ATP9A: variants seen among roughly 807,000 people sequenced by gnomAD.
ATP9A encodes probable phospholipid-transporting ATPase IIA.
ATP9A carries 52 observed loss-of-function variants against 144.1 expected under a neutral mutation model. The observed-to-expected ratio is 0.36, with a 90% confidence interval of 0.29 to 0.45. The LOEUF is 0.45. ATP9A is among the 20% of genes least tolerant of loss of function. The pLI is 1.00. For missense variants in ATP9A, 947 were observed against 1,392.7 expected, an observed-to-expected ratio of 0.68 and a Z score of 5.09; for synonymous variants, 582 against 557.4, an observed-to-expected ratio of 1.04 and a Z score of -0.62.
At position 51,625,273 on chromosome 20, in the gene ATP9A, C is replaced by T; in HGVS notation, c.1935G>A (p.Leu645=). The T allele has an allele frequency of 6.2e-7, 1 of 1,614,246 alleles. No individual in the cohort carries two copies. Among genetic ancestry groups the T allele is most frequent in the Non-Finnish European group, 8.5e-7 (1 of 1,180,044 alleles). ...VIESLEMEME[L]LCLTGVEDQL... The stretch of plus-strand genomic sequence containing the variant: ...GGTCCTCCACGCCCGTCAGGCACAG[C>T]AGTTCCATCTCCATCTCCAGGCTCT... The change falls in exon 18 of 28, where the codon CTG becomes CTA. Residue 645 remains leucine (L), a synonymous_variant. Transcript: ENST00000338821.
At chr20:51,654,928 C>G (rs565152352) in intron 14 of ATP9A, among the ~76,000 whole-genome samples, 36 of 152,116 alleles carry the variant, frequency 2.4e-4, no homozygotes, top group Non-Finnish European at 5.1e-4. Context: ...CAAGCCTCCT[C>G]CCTAGGGGCC....
At chr20:51,702,054 C>T (rs1422393334) in intron 4 of ATP9A, among the ~76,000 whole-genome samples, 2 of 151,928 alleles carry the variant, frequency 1.3e-5, no homozygotes, top group East Asian at 3.9e-4. Context: ...AATCCCAGCA[C>T]TTTGGGAGGC....
At chr20:51,619,148 C>T in intron 19 of ATP9A, 105 bp from the exon 20 acceptor site, 1 of 920,952 alleles carries the variant, frequency 1.1e-6, no homozygotes, top group Non-Finnish European at 1.7e-6. Context: ...CCACCCCAGC[C>T]AAGGGTCCCT....
intron 1 of ATP9A, among the ~76,000 whole-genome samples, chr20:51,733,572 A>G (rs1014363038): frequency 6.6e-6 from 1 of 151,906 alleles, no homozygotes; most frequent in Non-Finnish European, 1.5e-5. Flanking sequence ...ACGGGGTTTC[A>G]CCATGTTGGT....
chr20:51,747,401 C>T (rs959721930), intron 1 of ATP9A, among the ~76,000 whole-genome samples: 11 of 152,166 alleles, frequency 7.2e-5, no homozygotes, highest in African/African-American at 2.6e-4. Context: ...GACAGGGCAA[C>T]ACCCCGGAAA....
intron 4 of ATP9A, 81 bp downstream of exon 4, chr20:51,712,885 G>A (rs921299769): frequency 3.0e-5 from 38 of 1,277,606 alleles, no homozygotes; most frequent in East Asian, 2.3e-4. Context: ...CCTGCGGCCC[G>A]GGCCTTGAAC....
chr20:51,604,716 G>A (rs2077156358), intron 27 of ATP9A, 101 bp downstream of exon 27: 1 of 1,132,654 alleles, frequency 8.8e-7, no homozygotes, highest in Non-Finnish European at 1.2e-6. Flanking sequence ...GAAGAGCCCA[G>A]GCCGAGCGCT....
chr20:51,764,803 C>T (rs1472345023), intron 1 of ATP9A, among the ~76,000 whole-genome samples: 1 of 152,066 alleles, frequency 6.6e-6, no homozygotes, highest in Admixed American at 6.6e-5. Context: ...CTCACCGCAA[C>T]CTCCACATCC....
chr20:51,760,824 A>AC (rs2077877139), intron 1 of ATP9A, among the ~76,000 whole-genome samples: 1 of 152,024 alleles, frequency 6.6e-6, no homozygotes, highest in South Asian at 2.1e-4. Flanking sequence ...AGAGATCAAG[A>AC]CCATCCTGGT....
chr20:51,631,624 T>G (rs538851715), intron 15 of ATP9A, among the ~76,000 whole-genome samples: 19 of 152,302 alleles, frequency 1.2e-4, no homozygotes, highest in African/African-American at 4.6e-4. Flanking sequence ...CGCCATAAAT[T>G]TACAGAGATC....
rs111349473 is a variant in ATP9A, at chr20:51,739,747, G to A, written c.69-9769C>T. On this transcript the variant is annotated intron_variant, in intron 1 of 27. Transcript: ENST00000338821. ...GAGCCCTGGATGTTCTGGACATGGT[G>A]ACAGGCTTGAGAAGGGACAGTGAGA... Among the ~76,000 whole-genome samples, 1,088 of 152,300 alleles carry A rather than the reference G, an allele frequency of 7.1e-3. 8 individuals carry two copies. The highest frequency in any genetic ancestry group is 0.024 in the African/African-American group (1,012 of 41,576).
At chr20:51,753,143 ATT>A (rs2077839910) in intron 1 of ATP9A, among the ~76,000 whole-genome samples, 1 of 152,112 alleles carries the variant, frequency 6.6e-6, no homozygotes, top group African/African-American at 2.4e-5. Flanking sequence ...AAAAGAAAAC[ATT>A]ACTTGTAAAG....
intron 1 of ATP9A, among the ~76,000 whole-genome samples, chr20:51,743,852 CA>C (rs1206179338): frequency 5.9e-5 from 9 of 151,282 alleles, no homozygotes; most frequent in African/African-American, 2.2e-4. Context: ...ACTAAAAATA[CA>C]AAAATTAGCT....
At chr20:51,736,150 C>T (rs548855454) in intron 1 of ATP9A, among the ~76,000 whole-genome samples, 2 of 152,284 alleles carry the variant, frequency 1.3e-5, no homozygotes, top group Admixed American at 1.3e-4. Flanking sequence ...GGCAAAGATC[C>T]GGAGGTGGGA....
rs2077914402 is a variant in ATP9A, at chr20:51,768,253, G to A, written c.68+49C>T. On this transcript the variant is annotated intron_variant, in intron 1 of 27. Transcript: ENST00000338821. ...CCCGGCCAGGCTGGCCCGAGCGCCG[G>A]GCTCCGGGAGGCGCGGACAAAGGAA... 6 of 1,186,276 alleles carry A rather than the reference G, an allele frequency of 5.1e-6. No homozygotes were observed. In the African/African-American group the frequency reaches 6.4e-5, roughly 13 times the overall value. The allele number at this position is 1,186,276 out of a possible 1,614,324, so 73.5% of individuals were successfully genotyped here. A position where few individuals can be genotyped will look rare whatever the true frequency, so the allele number is the denominator to read the frequency against.
chr20:51,740,323 G>A (rs1017907936), intron 1 of ATP9A, among the ~76,000 whole-genome samples: 1 of 151,360 alleles, frequency 6.6e-6, no homozygotes, highest in Non-Finnish European at 1.5e-5. Flanking sequence ...CTCCCAAAGT[G>A]CTGGGGTTAC....
In ATP9A at chr20:51,627,656, G is replaced by A. The variant is rs759463694; in HGVS notation, c.1789C>T (p.Arg597Trp). The change falls in exon 17 of 28, where the codon CGG (arginine) becomes TGG (tryptophan). Residue 597 changes from arginine to tryptophan, a missense_variant. Physicochemically the swap from Arg to Trp is moderately radical, Grantham distance 101 (BLOSUM62 -3). Coordinates refer to ENST00000338821, the MANE Select transcript of ATP9A (RefSeq NM_006045.3). Reference sequence around the variant, plus strand: ...GACTTCTTTGCCACCACGAGCACCCGCAGCCCTTCTCGGGCCATGTTGCCA... The same window carrying A: ...GACTTCTTTGCCACCACGAGCACCCACAGCCCTTCTCGGGCCATGTTGCCA... ...ECGNMAREGL[R>W]VLVVAKKSLA... 9 of 1,614,050 alleles carry A rather than the reference G, an allele frequency of 5.6e-6. No individual in the cohort carries two copies. Among genetic ancestry groups the A allele is most frequent in the Admixed American group, 1.7e-5 (1 of 60,010 alleles).
At chr20:51,702,519 T>C (rs1185169284) in intron 4 of ATP9A, among the ~76,000 whole-genome samples, 3 of 151,990 alleles carry the variant, frequency 2.0e-5, no homozygotes, top group African/African-American at 7.3e-5. Flanking sequence ...TACTGGGAGT[T>C]TTCCACCAGC....
chr20:51,607,042 T>C (rs1224005082), intron 26 of ATP9A, among the ~76,000 whole-genome samples: 1 of 151,228 alleles, frequency 6.6e-6, no homozygotes, highest in Non-Finnish European at 1.5e-5. Context: ...AATAAATAAA[T>C]ATATATATGT....
Sources: gnomAD v4.1 joint callset for allele counts (sites outside exome capture counted in the v4.1 genomes callset) on GRCh38, gnomAD v4.1.1 for gene constraint, MANE v1.5 for transcripts, NCBI Gene and HGNC (gene_info 2026-07-23, HGNC 2026-07-21) for gene names.